AMMECR1: variants seen among roughly 807,000 people sequenced by gnomAD.
AMMECR1 encodes AMMECR nuclear protein 1.
AMMECR1 carries 3 observed loss-of-function variants against 22.5 expected under a neutral mutation model. The ratio of observed to expected loss-of-function variants is 0.13; its 90% CI spans 0.06 to 0.35. AMMECR1 has a LOEUF of 0.35. AMMECR1 is among the 10% of genes least tolerant of loss of function. The pLI is 1.00. For missense variants in AMMECR1, 235 were observed against 278.7 expected, an observed-to-expected ratio of 0.84 and a Z score of 1.12; for synonymous variants, 130 against 116.7, an observed-to-expected ratio of 1.11 and a Z score of -0.74.
rs1466709482 is a variant in AMMECR1, at chrX:110,339,419, AAAAAAAC to A, written c.-147-21577_-147-21571del. On this transcript the variant is annotated intron_variant, in intron 2 of 7. Transcript: ENST00000372057. ...TTTGTTGTAAAAAAAAAAAAAAAAA[AAAAAAAC>A]AAAAAAAGGAGAAATTCTAAGGTCT... is the stretch of plus-strand genomic sequence containing the variant. Among the ~76,000 whole-genome samples the A allele has an allele frequency of 1.1e-3, 114 of 106,701 alleles. 3 individuals are homozygous for A. The East Asian group carries it at 0.026, about 24-fold the overall frequency. The allele number at this position is 106,701 out of a possible 115,157, so 92.7% of individuals were successfully genotyped here.
chrX:110,377,785 G>A (rs1257614389), intron 2 of AMMECR1, among the ~76,000 whole-genome samples: 2 of 109,133 alleles, frequency 1.8e-5, no homozygotes, highest in Non-Finnish European at 3.8e-5. Flanking sequence ...CGAGGCGGGC[G>A]GATCACGAGG....
chrX:110,230,241 C>T (rs2067557046), intron 2 of AMMECR1, among the ~76,000 whole-genome samples: 1 of 112,612 alleles, frequency 8.9e-6, no homozygotes, highest in Non-Finnish European at 1.9e-5. Flanking sequence ...AACTGGGAGA[C>T]ACCTCCCAGT....
chrX:110,210,138 G>A (rs1170745951), intron 3 of AMMECR1, among the ~76,000 whole-genome samples: 3 of 110,032 alleles, frequency 2.7e-5, no homozygotes, highest in Non-Finnish European at 3.8e-5. Context: ...ACTTTACTTT[G>A]TACAGCTTGC....
intron 1 of AMMECR1, among the ~76,000 whole-genome samples, chrX:110,296,855 C>T (rs1246273285): frequency 9.0e-6 from 1 of 110,807 alleles, no homozygotes; most frequent in Non-Finnish European, 1.9e-5. Flanking sequence ...CTAGTAAGCA[C>T]ATCTAGGCTT....
chrX:110,322,319 T>TAGA (rs2068082035), upstream of AMMECR1, among the ~76,000 whole-genome samples: 1 of 112,144 alleles, frequency 8.9e-6, no homozygotes, highest in African/African-American at 3.2e-5. Context: ...GAGTGTTATT[T>TAGA]GGGGCAGTTA....
At chrX:110,386,167 A>C (rs189761525) in intron 2 of AMMECR1, among the ~76,000 whole-genome samples, 1 of 110,805 alleles carries the variant, frequency 9.0e-6, no homozygotes, top group East Asian at 2.8e-4. Flanking sequence ...TTGCTGGATC[A>C]TATGGTAACA....
intron 2 of AMMECR1, among the ~76,000 whole-genome samples, chrX:110,330,161 C>T (rs984977931): frequency 2.7e-5 from 3 of 111,659 alleles, no homozygotes; most frequent in South Asian, 3.8e-4. Context: ...TGTTTCAACC[C>T]GTTACTACAC....
At chrX:110,349,625 T>C (rs2068203651) in intron 2 of AMMECR1, among the ~76,000 whole-genome samples, 1 of 112,104 alleles carries the variant, frequency 8.9e-6, no homozygotes, top group Non-Finnish European at 1.9e-5. Flanking sequence ...CAACATAGCC[T>C]AATTGGAAGT....
chrX:110,304,474 G>A (rs1457107851), intron 1 of AMMECR1, among the ~76,000 whole-genome samples: 2 of 112,131 alleles, frequency 1.8e-5, no homozygotes, highest in African/African-American at 3.2e-5. Context: ...CTGAAGTTCA[G>A]AAGAAAAAAG....
intron 2 of AMMECR1, among the ~76,000 whole-genome samples, chrX:110,324,441 GTAT>G (rs1242039904): frequency 9.0e-6 from 1 of 111,373 alleles, no homozygotes; most frequent in African/African-American, 3.3e-5. Context: ...CAATCTGGAT[GTAT>G]TTTTTTTTCT....
intron 2 of AMMECR1, among the ~76,000 whole-genome samples, chrX:110,376,831 T>C (rs1372195805): frequency 3.6e-5 from 4 of 112,331 alleles, no homozygotes; most frequent in Non-Finnish European, 7.5e-5. Context: ...CAAATGTATC[T>C]GGCACTGGGT....
intron 1 of AMMECR1, among the ~76,000 whole-genome samples, chrX:110,429,458 G>GTTTTTTTTTTTTTTTTTTTTTTTT (rs554736940): frequency 2.5e-5 from 2 of 80,911 alleles, no homozygotes; most frequent in Admixed American, 1.3e-4. Context: ...GAGAAAAAGT[G>GTTTTTTTTTTTTTTTTTTTTTTTT]TTTTTTTTTT....
At chrX:110,396,682 A>T (rs142865046) in intron 2 of AMMECR1, among the ~76,000 whole-genome samples, 1,197 of 112,414 alleles carry the variant, frequency 0.011, 10 homozygotes, top group African/African-American at 0.021. Context: ...ATGGCGACAC[A>T]CAGCTATTAA....
intron 2 of AMMECR1, among the ~76,000 whole-genome samples, chrX:110,411,894 G>T (rs948074975): frequency 1.8e-5 from 2 of 112,319 alleles, no homozygotes; most frequent in Non-Finnish European, 3.8e-5. Flanking sequence ...GTGCTAGACT[G>T]GTGCCTGGCA....
intron 3 of AMMECR1, among the ~76,000 whole-genome samples, chrX:110,202,888 G>A (rs983389997): frequency 9.0e-6 from 1 of 111,719 alleles, no homozygotes; most frequent in Admixed American, 9.5e-5. Flanking sequence ...AGACAAAGGT[G>A]ACTGACTTCA....
At chrX:110,385,114 G>T (rs2068446017) in intron 2 of AMMECR1, among the ~76,000 whole-genome samples, 2 of 111,136 alleles carry the variant, frequency 1.8e-5, no homozygotes, top group African/African-American at 6.5e-5. Flanking sequence ...GCCTGAATTT[G>T]AATCCCAGCT....
At chrX:110,392,272 GT>G (rs377409601) in intron 2 of AMMECR1, among the ~76,000 whole-genome samples, 2,893 of 85,003 alleles carry the variant, frequency 0.034, 87 homozygotes, top group African/African-American at 0.12. Flanking sequence ...TCTACCACAG[GT>G]TTTTTTTTTT....
At chrX:110,412,534 G>A (rs746944433) in intron 2 of AMMECR1, among the ~76,000 whole-genome samples, 2 of 111,864 alleles carry the variant, frequency 1.8e-5, no homozygotes, top group Non-Finnish European at 3.8e-5. Context: ...TCTCTGTGCC[G>A]TTTCTCATCT....
intron 2 of AMMECR1, among the ~76,000 whole-genome samples, chrX:110,356,399 C>G (rs966346147): frequency 9.1e-6 from 1 of 110,111 alleles, no homozygotes. Context: ...AGGTGATCCA[C>G]CTGCCTCGGC....
Sources: gnomAD v4.1 joint callset for allele counts (sites outside exome capture counted in the v4.1 genomes callset) on GRCh38, gnomAD v4.1.1 for gene constraint, MANE v1.5 for transcripts, NCBI Gene and HGNC (gene_info 2026-07-23, HGNC 2026-07-21) for gene names.